The following EXOC6B variants were observed in gnomAD, a reference collection of about 807,000 sequenced individuals.
EXOC6B encodes SEC15 homolog B.
Under a neutral mutation model 113.5 loss-of-function variants are expected in EXOC6B, and 54 were observed. That is an observed-to-expected ratio of 0.48 (90% CI 0.38 to 0.60). EXOC6B has a LOEUF of 0.60. Among genes scored for constraint, EXOC6B ranks in the 20% least tolerant of loss-of-function variants. The pLI, the probability that EXOC6B is intolerant of heterozygous loss-of-function variation, is 0.00. For missense variants in EXOC6B, 797 were observed against 977.5 expected (o/e 0.82, Z 2.46); for synonymous variants, 357 against 339.0 (o/e 1.05, Z -0.58).
intron 18 of EXOC6B, chr2:72,461,538 A>G (rs1187929388): frequency 6.6e-6 from 1 of 151,994 alleles, no homozygotes; most frequent in Non-Finnish European, 1.5e-5. Context: ...AATTTAATGA[A>G]TATCACATTA....
intron 1 of EXOC6B, among the ~76,000 whole-genome samples, chr2:72,788,255 T>C (rs1373538668): frequency 6.6e-6 from 1 of 152,194 alleles, no homozygotes; most frequent in African/African-American, 2.4e-5. Flanking sequence ...TAGCACAAAG[T>C]AAGTAGTAAA....
chr2:72,202,840 C>A (rs968505550), intron 20 of EXOC6B, among the ~76,000 whole-genome samples: 6 of 152,124 alleles, frequency 3.9e-5, no homozygotes, highest in African/African-American at 1.4e-4. Flanking sequence ...CACCTCCTGT[C>A]CCCTTTATGG....
intron 20 of EXOC6B, among the ~76,000 whole-genome samples, chr2:72,313,249 A>G (rs1687315941): frequency 6.6e-6 from 1 of 152,168 alleles, no homozygotes; most frequent in Non-Finnish European, 1.5e-5. Context: ...AAGGATCAGG[A>G]AAAATAACTA....
chr2:72,609,537 A>G (rs926386733), intron 6 of EXOC6B, among the ~76,000 whole-genome samples: 5 of 151,460 alleles, frequency 3.3e-5, no homozygotes, highest in African/African-American at 9.7e-5. Flanking sequence ...AAAAAAAAGT[A>G]GACTAAACAA....
intron 19 of EXOC6B, among the ~76,000 whole-genome samples, chr2:72,349,853 C>T (rs1689546536): frequency 6.6e-6 from 1 of 152,044 alleles, no homozygotes; most frequent in African/African-American, 2.4e-5. Flanking sequence ...TGCAGGTGGC[C>T]CGAGGACACC....
At chr2:72,304,927 A>G (rs1274376643) in intron 20 of EXOC6B, among the ~76,000 whole-genome samples, 5 of 152,336 alleles carry the variant, frequency 3.3e-5, no homozygotes, top group Non-Finnish European at 7.3e-5. Flanking sequence ...CTGAGAAAGT[A>G]GGAGTCCAGA....
chr2:72,393,512 G>A (rs1466751932), intron 18 of EXOC6B, among the ~76,000 whole-genome samples: 1 of 152,056 alleles, frequency 6.6e-6, no homozygotes, highest in African/African-American at 2.4e-5. Context: ...CTTAGCAATA[G>A]TGTAATTTTA....
chr2:72,717,587 C>T (rs2104716521), intron 6 of EXOC6B, among the ~76,000 whole-genome samples: 1 of 152,226 alleles, frequency 6.6e-6, no homozygotes, highest in South Asian at 2.1e-4. Flanking sequence ...GTATATACTG[C>T]TAACATATTT....
chr2:72,368,402 C>G (rs543388003), intron 19 of EXOC6B, among the ~76,000 whole-genome samples: 157 of 152,166 alleles, frequency 1.0e-3, no homozygotes, highest in Non-Finnish European at 2.0e-3. Flanking sequence ...AGTCCAGGAC[C>G]AGAGGGATTC....
Position 72,725,553 on chromosome 2 carries a change from G to A in EXOC6B, c.464+5454C>T, listed in dbSNP as rs1007664207. On this transcript the variant is annotated intron_variant, in intron 5 of 21. Transcript: ENST00000272427. ...GTTACAGACACAGACCACCACACCC[G>A]CCTCATTTTTGTATCTTTAGTAGGG... Among the ~76,000 whole-genome samples the A allele has an allele frequency of 4.6e-5, 7 of 152,052 alleles. No individual in the cohort carries two copies. In the South Asian group the frequency reaches 8.3e-4, roughly 18 times the overall value.
intron 19 of EXOC6B, among the ~76,000 whole-genome samples, chr2:72,348,736 G>A (rs1689478504): frequency 6.6e-6 from 1 of 152,052 alleles, no homozygotes; most frequent in African/African-American, 2.4e-5. Context: ...TTTTATAAGT[G>A]TACAATATAA....
intron 1 of EXOC6B, among the ~76,000 whole-genome samples, chr2:72,758,299 C>T (rs1011081614): frequency 2.0e-5 from 3 of 151,860 alleles, no homozygotes; most frequent in Admixed American, 2.0e-4. Context: ...TTTATTATCC[C>T]TCAAATGGGA....
intron 6 of EXOC6B, among the ~76,000 whole-genome samples, chr2:72,631,668 C>A (rs758615364): frequency 6.6e-6 from 1 of 151,740 alleles, no homozygotes; most frequent in Non-Finnish European, 1.5e-5. Context: ...CCATGCCTAG[C>A]TAATATATGT....
intron 6 of EXOC6B, among the ~76,000 whole-genome samples, chr2:72,605,887 A>T (rs1670724373): frequency 6.6e-6 from 1 of 152,212 alleles, no homozygotes; most frequent in African/African-American, 2.4e-5. Flanking sequence ...TCAATCTAGT[A>T]TCATAAAGAT....
Position 72,676,195 on chromosome 2 carries a change from C to T in EXOC6B, c.669+41908G>A, listed in dbSNP as rs146928189. 2.5e-3 allele frequency among the ~76,000 whole-genome samples: 375 copies of T among 151,644 alleles called. 2 individuals are homozygous for T. Among genetic ancestry groups the T allele is most frequent in the African/African-American group, 6.6e-3 (273 of 41,406 alleles). On this transcript the variant is annotated intron_variant, in intron 6 of 21. Coordinates refer to ENST00000272427, the MANE Select transcript of EXOC6B (RefSeq NM_015189.3). ...TGAGAAGGGAAAAAAATCAGTTTTA[C>T]TTATGATAAGCCACTCTTAGTCTTT...
At chr2:72,698,016 G>A (rs1407172930) in intron 6 of EXOC6B, among the ~76,000 whole-genome samples, 1 of 152,164 alleles carries the variant, frequency 6.6e-6, no homozygotes, top group Non-Finnish European at 1.5e-5. Context: ...CATTCAAAGA[G>A]ACAGGAAATA....
intron 6 of EXOC6B, among the ~76,000 whole-genome samples, chr2:72,712,945 T>A (rs897219147): frequency 3.3e-5 from 5 of 152,220 alleles, no homozygotes; most frequent in African/African-American, 1.2e-4. Flanking sequence ...AAACCTTGCA[T>A]ACAAAAGAAT....
chr2:72,566,430 T>C (rs1281703901), intron 7 of EXOC6B, among the ~76,000 whole-genome samples: 3 of 152,152 alleles, frequency 2.0e-5, no homozygotes, highest in Admixed American at 6.5e-5. Flanking sequence ...CCTTCATGCA[T>C]TGAAGGACAT....
In EXOC6B at chr2:72,680,709, G is replaced by A. The variant is rs572675431; in HGVS notation, c.669+37394C>T. On this transcript the variant is annotated intron_variant, in intron 6 of 21. Coordinates refer to ENST00000272427, the MANE Select transcript of EXOC6B (RefSeq NM_015189.3). ...AGCTGAGATCTTGCGACTGCACTAC[G>A]GCGTGGGTGACAGAGCAAGACTCCA... Among the ~76,000 whole-genome samples, 419 of 151,720 alleles carry A rather than the reference G, an allele frequency of 2.8e-3. 1 individual carries two copies. The highest frequency in any genetic ancestry group is 7.9e-3 in the African/African-American group (325 of 41,384).
Sources: allele counts gnomAD v4.1 joint callset (sites outside exome capture counted in the v4.1 genomes callset), GRCh38; gene constraint gnomAD v4.1.1; transcripts MANE v1.5; gene names NCBI Gene and HGNC (gene_info 2026-07-23, HGNC 2026-07-21).